PDZD2: variants seen among roughly 807,000 people sequenced by gnomAD.
The protein encoded by PDZD2 is PDZ domain containing 2, also known as PDZ domain-containing protein 2.
Under a neutral mutation model 220.7 loss-of-function variants are expected in PDZD2, and 90 were observed. The observed-to-expected ratio is 0.41, with a 90% confidence interval of 0.34 to 0.49. The LOEUF (loss-of-function observed/expected upper bound fraction) is 0.49. Among genes scored for constraint, PDZD2 ranks in the 20% least tolerant of loss-of-function variants. The probability of loss-of-function intolerance (pLI) is 0.28; values close to 1 mark genes in which losing one functional copy is unlikely to be tolerated. For missense variants in PDZD2, 3,174 were observed against 3,608.5 expected (o/e 0.88, Z 3.08); for synonymous variants, 1,375 against 1,450.5 (o/e 0.95, Z 1.18).
chr5:31,866,174 T>C (rs1161332334), intron 2 of PDZD2, among the ~76,000 whole-genome samples: 2 of 152,038 alleles, frequency 1.3e-5, no homozygotes, highest in Non-Finnish European at 2.9e-5. Context: ...AATTTTTGTC[T>C]TTTTTATGAA....
chr5:31,740,449 C>T (rs192689753), intron 1 of PDZD2, among the ~76,000 whole-genome samples: 5,807 of 139,708 alleles, frequency 0.042, 385 homozygotes, highest in African/African-American at 0.14. Flanking sequence ...GGCGTGAACC[C>T]GGGAGGCGGA....
At chr5:31,706,631 G>A (rs1160369596) in intron 1 of PDZD2, among the ~76,000 whole-genome samples, 2 of 152,008 alleles carry the variant, frequency 1.3e-5, no homozygotes, top group African/African-American at 4.8e-5. Flanking sequence ...GGATCATGAG[G>A]TCAGGAGATC....
intron 1 of PDZD2, chr5:31,725,708 T>C (rs1749081246): frequency 3.3e-6 from 3 of 902,034 alleles, no homozygotes; most frequent in Non-Finnish European, 5.6e-6. Flanking sequence ...GCCTCTAGTT[T>C]TGGTATGAGA....
intron 19 of PDZD2, among the ~76,000 whole-genome samples, chr5:32,079,838 C>T (rs570355022): frequency 2.1e-4 from 32 of 151,704 alleles, no homozygotes; most frequent in African/African-American, 7.2e-4. Context: ...AAGTGAAACC[C>T]CAGAATATCT....
At chr5:31,745,065 T>TCC (rs10657175) in intron 1 of PDZD2, among the ~76,000 whole-genome samples, 21,710 of 151,736 alleles carry the variant, frequency 0.14, 1,559 homozygotes, top group Middle Eastern at 0.17. Context: ...AGAGGGAGAC[T>TCC]CCGTCTCAAA....
Position 32,089,458 on chromosome 5 carries a change from G to A in PDZD2, c.6010G>A (p.Ala2004Thr). The change falls in exon 20 of 25, where the codon GCT becomes ACT. Residue 2004 changes from alanine (A) to threonine (T), a missense_variant. Coordinates refer to ENST00000438447, the MANE Select transcript of PDZD2 (RefSeq NM_178140.4). ...EQGMWSRFHM[A>T]VLSEPDRGCP... ...AGGCATGTGGAGCAGGTTCCACATG[G>A]CTGTCCTCTCTGAACCCGACAGAGG... The A allele has an allele frequency of 6.2e-7, 1 of 1,613,878 alleles. No individual in the cohort carries two copies. Among genetic ancestry groups the A allele is most frequent in the East Asian group, 2.2e-5 (1 of 44,858 alleles).
At chr5:31,689,353 A>ATATATATATATATATTTTTTTTTTT in intron 1 of PDZD2, among the ~76,000 whole-genome samples, 1 of 35,142 alleles carries the variant, frequency 2.8e-5, no homozygotes, top group African/African-American at 2.1e-4. Flanking sequence ...ATATATATAT[A>ATATATATATATATATTTTTTTTTTT]TTTTTTTTTT....
intron 2 of PDZD2, among the ~76,000 whole-genome samples, chr5:31,891,859 G>T (rs1741075895): frequency 6.6e-6 from 1 of 152,126 alleles, no homozygotes; most frequent in African/African-American, 2.4e-5. Flanking sequence ...GGGTTAATGA[G>T]ATAGTTAGGA....
At chr5:31,747,540 A>C (rs749436596) in intron 1 of PDZD2, 1 of 151,922 alleles carries the variant, frequency 6.6e-6, no homozygotes, top group Non-Finnish European at 1.5e-5. Context: ...ATCAGTCTCA[A>C]CTCGCCAATC....
chr5:32,096,607 C>G (rs1216879630), intron 21 of PDZD2, among the ~76,000 whole-genome samples: 1 of 152,194 alleles, frequency 6.6e-6, no homozygotes, highest in Non-Finnish European at 1.5e-5. Context: ...GCGTGAGCCA[C>G]TGCGCCTAGC....
chr5:32,056,977 C>G (rs1267871707), intron 10 of PDZD2, among the ~76,000 whole-genome samples: 1 of 151,932 alleles, frequency 6.6e-6, no homozygotes, highest in Non-Finnish European at 1.5e-5. Context: ...ACCTGTATTC[C>G]CAGCTATTCA....
rs184337313 is a variant in PDZD2, at chr5:32,019,034, C to T, written c.1407+8552C>T. ...CTGCTGAAGTTTGAATCCTGTGGCA[C>T]ACTCTCAGGGGCCTGTTCCAACTGG... On this transcript the variant is annotated intron_variant, in intron 6 of 24. Coordinates refer to ENST00000438447, the MANE Select transcript of PDZD2 (RefSeq NM_178140.4). Among the ~76,000 whole-genome samples, 3 of 152,146 alleles carry T rather than the reference C, an allele frequency of 2.0e-5. No homozygotes were observed. The East Asian group carries it at 5.8e-4, about 29-fold the overall frequency.
chr5:31,851,597 C>T (rs1758059569), intron 2 of PDZD2, among the ~76,000 whole-genome samples: 1 of 152,100 alleles, frequency 6.6e-6, no homozygotes, highest in South Asian at 2.1e-4. Context: ...CAGCAGTTCC[C>T]ACTCAAATTA....
intron 1 of PDZD2, chr5:31,725,852 C>T: frequency 1.3e-6 from 1 of 787,610 alleles, no homozygotes; most frequent in Admixed American, 1.7e-5. Flanking sequence ...ATGGCTTCTG[C>T]TACGCCGTGG....
chr5:31,967,152 C>T (rs190121864), intron 2 of PDZD2, among the ~76,000 whole-genome samples: 70 of 152,218 alleles, frequency 4.6e-4, no homozygotes, highest in Non-Finnish European at 7.1e-4. Context: ...ATGGAGCGGA[C>T]GCTGGGAAGA....
chr5:31,819,979 C>G (rs1269071074), intron 2 of PDZD2, among the ~76,000 whole-genome samples: 1 of 152,196 alleles, frequency 6.6e-6, no homozygotes, highest in African/African-American at 2.4e-5. Flanking sequence ...AGGTGACAGC[C>G]TGATGATGAC....
intron 1 of PDZD2, among the ~76,000 whole-genome samples, chr5:31,717,062 A>G (rs994358262): frequency 6.6e-6 from 1 of 152,166 alleles, no homozygotes; most frequent in South Asian, 2.1e-4. Context: ...TAGAAGAGGA[A>G]GTCTCTCCCC....
At chr5:31,864,573 G>A (rs543619302) in intron 2 of PDZD2, among the ~76,000 whole-genome samples, 2 of 151,618 alleles carry the variant, frequency 1.3e-5, no homozygotes, top group African/African-American at 4.9e-5. Flanking sequence ...AGGCTGGAGT[G>A]CAATGGCACA....
intron 1 of PDZD2, among the ~76,000 whole-genome samples, chr5:31,660,063 C>T (rs1320694525): frequency 6.6e-6 from 1 of 152,154 alleles, no homozygotes; most frequent in Non-Finnish European, 1.5e-5. Context: ...TTAAAGGAGA[C>T]CTGGTGTCCC....
Sources: allele counts gnomAD v4.1 joint callset (sites outside exome capture counted in the v4.1 genomes callset), GRCh38; gene constraint gnomAD v4.1.1; transcripts MANE v1.5; gene names NCBI Gene and HGNC (gene_info 2026-07-23, HGNC 2026-07-21).